The following CAMKMT variants were observed in gnomAD, a reference collection of about 807,000 sequenced individuals.
The protein encoded by CAMKMT is CaM KMT.
A neutral mutation model predicts 48.0 loss-of-function variants in CAMKMT; 53 were observed. The ratio of observed to expected loss-of-function variants is 1.10; its 90% CI spans 0.89 to 1.39. The LOEUF is 1.39. Among genes scored for constraint, CAMKMT ranks in the 40% most tolerant of loss-of-function variants. CAMKMT has a pLI of 0.00. For missense variants in CAMKMT, 428 were observed against 402.7 expected (o/e 1.06, Z -0.54); for synonymous variants, 165 against 152.3 (o/e 1.08, Z -0.61).
In CAMKMT at chr2:44,764,436, G is replaced by A. The variant is rs189848100; in HGVS notation, c.763-1994G>A. Among the ~76,000 whole-genome samples the A allele has an allele frequency of 7.9e-3, 1,196 of 151,888 alleles. 10 individuals carry two copies. The highest frequency in any genetic ancestry group is 0.01 in the Non-Finnish European group (683 of 67,968). ...CTGTATTTGATCCTCACAATTTGTC[G>A]GGGGGAAAAAGGCAGGGCAGGCTTT... On this transcript the variant is annotated intron_variant, in intron 9 of 10. Transcript: ENST00000378494.
chr2:44,697,749 CAT>C (rs914754711), intron 3 of CAMKMT, among the ~76,000 whole-genome samples: 4 of 151,812 alleles, frequency 2.6e-5, no homozygotes, highest in Non-Finnish European at 5.9e-5. Context: ...AAGGGGCACA[CAT>C]ATGTGATGTG....
intron 5 of CAMKMT, 104 bp from the exon 6 acceptor site, chr2:44,707,295 A>G (rs1226678367): frequency 9.2e-6 from 8 of 873,090 alleles, no homozygotes; most frequent in Non-Finnish European, 1.5e-5. Flanking sequence ...TTACAGAGAA[A>G]TAGGTGAGGA....
intron 10 of CAMKMT, among the ~76,000 whole-genome samples, chr2:44,768,298 C>A (rs1680931927): frequency 6.8e-6 from 1 of 147,276 alleles, no homozygotes; most frequent in South Asian, 2.1e-4. Context: ...GAATATTCTG[C>A]AGAGTTGGCA....
At chr2:44,753,811 A>G (rs772684386) in intron 8 of CAMKMT, among the ~76,000 whole-genome samples, 2 of 152,212 alleles carry the variant, frequency 1.3e-5, no homozygotes, top group Non-Finnish European at 2.9e-5. Context: ...ACATTAACAC[A>G]TGGCCCAGTC....
intron 3 of CAMKMT, among the ~76,000 whole-genome samples, chr2:44,423,879 A>G (rs1684094261): frequency 6.6e-6 from 1 of 152,274 alleles, no homozygotes; most frequent in Non-Finnish European, 1.5e-5. Context: ...AGTTATTTCC[A>G]TATTTCTTTA....
rs1003945431 is a variant in CAMKMT, at chr2:44,362,158, C to G, written c.138+13C>G. The G allele has an allele frequency of 9.5e-5, 138 of 1,459,908 alleles. No homozygotes were observed. Among genetic ancestry groups the G allele is most frequent in the Non-Finnish European group, 1.1e-4 (128 of 1,118,620 alleles). The allele number at this position is 1,459,908 out of a possible 1,614,324, so 90.4% of individuals were successfully genotyped here. On this transcript the variant is annotated intron_variant, in intron 1 of 10. Coordinates refer to ENST00000378494, the MANE Select transcript of CAMKMT (RefSeq NM_024766.5). The stretch of plus-strand genomic sequence containing the variant: ...GCTCCTGCGGCAGGTAAGGGAGAAC[C>G]TGCTCGCCTCACCTTTGCCTCTGGT...
chr2:44,767,983 A>G, intron 10 of CAMKMT, among the ~76,000 whole-genome samples: 1 of 152,172 alleles, frequency 6.6e-6, no homozygotes, highest in East Asian at 1.9e-4. Context: ...GACGTTCAGC[A>G]TTGTGCCTGA....
At chr2:44,438,110 C>G (rs1438409649) in intron 3 of CAMKMT, among the ~76,000 whole-genome samples, 1 of 152,034 alleles carries the variant, frequency 6.6e-6, no homozygotes, top group Non-Finnish European at 1.5e-5. Flanking sequence ...ACTAAGGCAC[C>G]AAGAGGTTAA....
intron 3 of CAMKMT, among the ~76,000 whole-genome samples, chr2:44,468,919 C>T (rs1352559382): frequency 6.6e-6 from 1 of 151,748 alleles, no homozygotes; most frequent in Non-Finnish European, 1.5e-5. Flanking sequence ...GACCCTGTCT[C>T]AAAAACAACA....
At chr2:44,637,674 T>G (rs1673209295) in intron 3 of CAMKMT, among the ~76,000 whole-genome samples, 1 of 152,138 alleles carries the variant, frequency 6.6e-6, no homozygotes, top group Non-Finnish European at 1.5e-5. Context: ...GTGTGATTGC[T>G]TTGTTAAGAA....
intron 8 of CAMKMT, among the ~76,000 whole-genome samples, chr2:44,748,447 C>T (rs57050572): frequency 0.02 from 3,059 of 152,124 alleles, 91 homozygotes; most frequent in African/African-American, 0.067. Flanking sequence ...AGATATAAAC[C>T]GAGTGTGGTC....
intron 3 of CAMKMT, among the ~76,000 whole-genome samples, chr2:44,639,556 G>T (rs1673330820): frequency 2.0e-5 from 3 of 152,176 alleles, no homozygotes; most frequent in Admixed American, 6.5e-5. Context: ...TCAGTGACTT[G>T]CTAGGTATGA....
intron 6 of CAMKMT, among the ~76,000 whole-genome samples, chr2:44,712,548 A>C (rs912032473): frequency 6.6e-6 from 1 of 152,186 alleles, no homozygotes; most frequent in Non-Finnish European, 1.5e-5. Flanking sequence ...TTGAGAAGAA[A>C]ACCTAGAGTT....
intron 3 of CAMKMT, among the ~76,000 whole-genome samples, chr2:44,691,393 C>T (rs1676646495): frequency 6.6e-6 from 1 of 152,248 alleles, no homozygotes; most frequent in African/African-American, 2.4e-5. Context: ...AGTGTCAGGA[C>T]ATGGCTGGGA....
intron 3 of CAMKMT, among the ~76,000 whole-genome samples, chr2:44,560,347 T>C (rs186839989): frequency 6.6e-6 from 1 of 152,372 alleles, no homozygotes; most frequent in African/African-American, 2.4e-5. Context: ...AGTGGCATGA[T>C]CATAGCTCAC....
rs756670915 is a variant in CAMKMT, at chr2:44,362,038, G to A, written c.31G>A (p.Gly11Ser). The change falls in exon 1 of 11, where the codon GGC becomes AGC. Residue 11 changes from glycine (G) to serine (S), a missense_variant. By Grantham distance (56) the Gly-to-Ser change is moderately conservative. Transcript: ENST00000378494. ...GTCGCGAGTCGCGGACGCTGGGACCGGCGAGACCGCGCGAGCAGCGGGCGG... is the reference window on the plus strand; with the variant it reads ...GTCGCGAGTCGCGGACGCTGGGACCAGCGAGACCGCGCGAGCAGCGGGCGG... Reference protein sequence around the residue: MESRVADAGTGETARAAGGSP... With the variant: MESRVADAGTSETARAAGGSP... 3.9e-5 allele frequency: 55 copies of A among 1,425,768 alleles called. No individual in the cohort carries two copies. Among genetic ancestry groups the A allele is most frequent in the Non-Finnish European group, 4.8e-5 (53 of 1,095,532 alleles). The allele number at this position is 1,425,768 out of a possible 1,614,324, so 88.3% of individuals were successfully genotyped here. A position where few individuals can be genotyped will look rare whatever the true frequency, so the allele number is the denominator to read the frequency against.
At chr2:44,725,585 G>A (rs1678735165) in intron 7 of CAMKMT, among the ~76,000 whole-genome samples, 1 of 152,202 alleles carries the variant, frequency 6.6e-6, no homozygotes, top group Non-Finnish European at 1.5e-5. Flanking sequence ...GGTGGACCTT[G>A]AGCTGTGATC....
At chr2:44,364,081 T>G (rs1678336887) in intron 1 of CAMKMT, among the ~76,000 whole-genome samples, 1 of 134,834 alleles carries the variant, frequency 7.4e-6, no homozygotes, top group East Asian at 2.3e-4. Context: ...ACTCCTGGGC[T>G]CAAGCAATCC....
chr2:44,708,077 A>C (rs954425043), intron 6 of CAMKMT, among the ~76,000 whole-genome samples: 3 of 152,184 alleles, frequency 2.0e-5, no homozygotes, highest in African/African-American at 7.2e-5. Context: ...CACAGAGTTC[A>C]TGAAAATTGA....
Sources: allele counts gnomAD v4.1 joint callset (sites outside exome capture counted in the v4.1 genomes callset), GRCh38; gene constraint gnomAD v4.1.1; transcripts MANE v1.5; gene names NCBI Gene and HGNC (gene_info 2026-07-23, HGNC 2026-07-21).